The following SACS variants were observed in gnomAD, a reference collection of about 807,000 sequenced individuals.
SACS encodes the protein sacsin molecular chaperone.
Under a neutral mutation model 348.0 loss-of-function variants are expected in SACS, and 197 were observed. The ratio of observed to expected loss-of-function variants is 0.57; its 90% CI spans 0.50 to 0.64. SACS has a LOEUF of 0.64. SACS is among the 30% of genes least tolerant of loss of function. The pLI is 0.00. For missense variants in SACS, 4,999 were observed against 5,360.8 expected (o/e 0.93, Z 2.11); for synonymous variants, 1,985 against 1,910.6 (o/e 1.04, Z -1.02).
intron 7 of SACS, among the ~76,000 whole-genome samples, chr13:23,357,654 A>C (rs1416388454): frequency 1.3e-5 from 2 of 152,160 alleles, no homozygotes; most frequent in African/African-American, 4.8e-5. Context: ...CCATTACAAA[A>C]TTTTTTATCA....
In SACS at chr13:23,354,971, C is replaced by T. The variant is rs370143541; in HGVS notation, c.1641G>A (p.Pro547=). 1.9e-5 allele frequency: 31 copies of T among 1,614,084 alleles called. No individual in the cohort carries two copies. The highest frequency in any genetic ancestry group is 1.1e-4 in the East Asian group (5 of 44,898). Residue 547 remains proline, a synonymous_variant, in exon 8 of 10, where the codon CCG becomes CCA. Transcript: ENST00000382292. Reference sequence around the variant, plus strand: ...GCTCGCTGAATAGAGGCTCTAACACCGGTTGCCAGTGCACCTTGACTTTGC... The same window carrying T: ...GCTCGCTGAATAGAGGCTCTAACACTGGTTGCCAGTGCACCTTGACTTTGC... ...EASKVKVHWQ[P]VLEPLFSELL... is the part of the protein sequence containing the mutation.
chr13:23,339,839 T>G lies in SACS; in HGVS notation c.4037A>C (p.Asp1346Ala). The G allele has an allele frequency of 6.2e-7, 1 of 1,613,320 alleles. No homozygotes were observed. Among genetic ancestry groups the G allele is most frequent in the Non-Finnish European group, 8.5e-7 (1 of 1,179,628 alleles). The change falls in exon 10 of 10, where the codon GAT becomes GCT. Residue 1346 changes from aspartate (D) to alanine (A), a missense_variant. Coordinates refer to ENST00000382292, the MANE Select transcript of SACS (RefSeq NM_014363.6). ...TTGTTTGCTTTCTTGTTCACTGAGA[T>G]CTTGGTCACTTTTGAGATATATCTT... The part of the protein sequence containing the change: ...IQKIYLKSDQ[D>A]LSEQESKQNL...
In SACS at chr13:23,331,736, A is replaced by G; in HGVS notation, c.12140T>C (p.Val4047Ala). Reference protein sequence around the residue: ...LCKALREGLKVSCFEKLQTTL... With the variant: ...LCKALREGLKASCFEKLQTTL... Reference sequence around the variant, plus strand: ...TGTTTGAAGCTTTTCAAAGCAGGATACTTTCAATCCTTCTCTTAGGGCTTT... The same window carrying G: ...TGTTTGAAGCTTTTCAAAGCAGGATGCTTTCAATCCTTCTCTTAGGGCTTT... The change falls in exon 10 of 10, where the codon GTA becomes GCA. Residue 4047 changes from valine to alanine, a missense_variant. By Grantham distance (64) the Val-to-Ala change is moderately conservative. This residue lies in a region of SACS where 831 missense variants were observed against 941.8 expected (regional missense o/e 0.88). Coordinates refer to ENST00000382292, the MANE Select transcript of SACS (RefSeq NM_014363.6). 6.2e-7 allele frequency: 1 copy of G among 1,614,020 alleles called. No individual in the cohort carries two copies.
Position 23,340,098 on chromosome 13 carries a change from G to A in SACS, c.3778C>T (p.His1260Tyr), listed in dbSNP as rs144713081. 73 of 1,613,872 alleles carry A rather than the reference G, an allele frequency of 4.5e-5. No individual in the cohort carries two copies. Among genetic ancestry groups the A allele is most frequent in the Non-Finnish European group, 6.0e-5 (71 of 1,179,966 alleles). ...HILLEIYGFM[H>Y]DHLNEGKDSF... ...TCTTTCCCTTCATTTAGATGATCAT[G>A]CATGAATCCGTAAATCTCAAGCAAA... The change falls in exon 10 of 10, where the codon CAT becomes TAT. Residue 1260 changes from histidine (H) to tyrosine (Y), a missense_variant. By Grantham distance (83) the His-to-Tyr change is moderately conservative (BLOSUM62 2). Coordinates refer to ENST00000382292, the MANE Select transcript of SACS (RefSeq NM_014363.6).
intron 1 of SACS, among the ~76,000 whole-genome samples, chr13:23,424,323 C>A (rs1431097752): frequency 6.6e-6 from 1 of 151,972 alleles, no homozygotes; most frequent in African/African-American, 2.4e-5. Context: ...GTCGGGAGTT[C>A]GAGAGCAGCC....
chr13:23,337,620 C>T lies in SACS; in HGVS notation c.6256G>A (p.Asp2086Asn), dbSNP rs773786550. ...ACACGAAGAACTCCCGAGAACTCAT[C>T]AACTTTTTCATTTAGAACAAAGATC... ...LMIFVLNEKVDEFSGVLRVTP... is the reference protein window; with the variant it reads ...LMIFVLNEKVNEFSGVLRVTP... The change falls in exon 10 of 10, where the codon GAT becomes AAT. Residue 2086 changes from aspartate (D) to asparagine (N), a missense_variant. This residue lies in a region of SACS where 3,156 missense variants were observed against 3,380.1 expected (regional missense o/e 0.93). Transcript: ENST00000382292. The T allele has an allele frequency of 3.7e-6, 6 of 1,613,614 alleles. No homozygotes were observed. The African/African-American group carries it at 5.3e-5, about 14-fold the overall frequency.
Position 23,354,654 on chromosome 13 carries a change from A to G in SACS, c.1958T>C (p.Phe653Ser). The G allele has an allele frequency of 6.2e-7, 1 of 1,614,180 alleles. No individual in the cohort carries two copies. Among genetic ancestry groups the G allele is most frequent in the African/African-American group, 1.3e-5 (1 of 75,050 alleles). The change falls in exon 8 of 10, where the codon TTT becomes TCT. Residue 653 changes from phenylalanine to serine, a missense_variant. Transcript: ENST00000382292. ...CAEEKLHLLE[F>S]VLSDQAYSEL... Reference sequence around the variant, plus strand: ...ACTGTAGGCTTGGTCAGAAAGCACAAATTCTAGAAGGTGAAGCTTTTCTTC... The same window carrying G: ...ACTGTAGGCTTGGTCAGAAAGCACAGATTCTAGAAGGTGAAGCTTTTCTTC...
chr13:23,389,509 T>C (rs1187302995), intron 2 of SACS, among the ~76,000 whole-genome samples: 1 of 152,218 alleles, frequency 6.6e-6, no homozygotes, highest in African/African-American at 2.4e-5. Context: ...CGTCTTTACA[T>C]CCACGTTACT....
chr13:23,393,156 G>A (rs746338401), intron 2 of SACS, among the ~76,000 whole-genome samples: 3 of 152,156 alleles, frequency 2.0e-5, no homozygotes, highest in Non-Finnish European at 4.4e-5. Context: ...GAACAAACTT[G>A]TTCCTAAGCC....
chr13:23,391,002 C>A (rs1372098908), intron 2 of SACS, among the ~76,000 whole-genome samples: 2 of 152,228 alleles, frequency 1.3e-5, no homozygotes, highest in Admixed American at 6.5e-5. Flanking sequence ...CACACGCCTG[C>A]ACCCCTCAGT....
chr13:23,371,263 G>A lies in SACS; in HGVS notation c.172-98C>T, dbSNP rs965801672. 1.1e-5 allele frequency: 6 copies of A among 562,356 alleles called. No individual in the cohort carries two copies. In the South Asian group the frequency reaches 2.3e-4, roughly 22 times the overall value. 34.8% of individuals were successfully genotyped at this position (562,356 alleles called of 1,614,324 possible). A position where few individuals can be genotyped will look rare whatever the true frequency, so the allele number is the denominator to read the frequency against. The stretch of plus-strand genomic sequence containing the variant: ...AAATTTTTTCACTTAAGTAATGCTT[G>A]TTAAGTCTTCTTATCATGAAGGAAG... On this transcript the variant is annotated intron_variant, in intron 3 of 9. Transcript: ENST00000382292.
intron 2 of SACS, among the ~76,000 whole-genome samples, chr13:23,376,140 A>C (rs1445442996): frequency 6.6e-6 from 1 of 152,204 alleles, no homozygotes; most frequent in Non-Finnish European, 1.5e-5. Flanking sequence ...ACATAAATGT[A>C]TCCTATGACA....
At chr13:23,417,548 G>GT (rs998825092) in intron 1 of SACS, among the ~76,000 whole-genome samples, 6 of 152,116 alleles carry the variant, frequency 3.9e-5, no homozygotes, top group African/African-American at 1.4e-4. Flanking sequence ...TTCCAAAAAT[G>GT]TTACTGGGGC....
rs768380925 is a variant in SACS, at chr13:23,337,700, T to A, written c.6176A>T (p.Glu2059Val). The stretch of plus-strand genomic sequence containing the variant: ...TTCTTGAATATTTGGAAAAAACACT[T>A]CAGAAAAAAACTGTTTCTCTGAAAA... ...NTFSEKQFFS[E>V]VFFPNIQEIE... The change falls in exon 10 of 10, where the codon GAA (glutamate) becomes GTA (valine). Residue 2059 changes from glutamate to valine, a missense_variant. By Grantham distance (121) the Glu-to-Val change is moderately radical (BLOSUM62 -2). Coordinates refer to ENST00000382292, the MANE Select transcript of SACS (RefSeq NM_014363.6). 3.5e-5 allele frequency: 56 copies of A among 1,612,742 alleles called. No homozygotes were observed. Among genetic ancestry groups the A allele is most frequent in the Non-Finnish European group, 4.3e-5 (51 of 1,179,696 alleles).
In SACS at chr13:23,331,500, A is replaced by G; in HGVS notation, c.12376T>C (p.Cys4126Arg). 1 of 1,613,994 alleles carries G rather than the reference A, an allele frequency of 6.2e-7. No individual in the cohort carries two copies. Among genetic ancestry groups the G allele is most frequent in the Admixed American group, 1.7e-5 (1 of 60,020 alleles). The change falls in exon 10 of 10, where the codon TGC (cysteine) becomes CGC (arginine). Residue 4126 changes from cysteine to arginine, a missense_variant. Transcript: ENST00000382292. ...TCACCAATCCTGTAAATATCATTGC[A>G]TCCTAGCATAGCAATTAAATATGAA... is the stretch of plus-strand genomic sequence containing the variant. ...DTSYLIAMLG[C>R]NDIYRIGEKL...
At chr13:23,416,595 T>G (rs962980635) in intron 1 of SACS, among the ~76,000 whole-genome samples, 5 of 151,346 alleles carry the variant, frequency 3.3e-5, no homozygotes, top group African/African-American at 1.2e-4. Context: ...CCGTCTCTAC[T>G]AAAAATACAA....
chr13:23,337,892 T>A lies in SACS; in HGVS notation c.5984A>T (p.Asp1995Val), dbSNP rs752433736. The stretch of plus-strand genomic sequence containing the variant: ...ATCTCTTCTTTTAAGTATAGAGTCA[T>A]CTAGAAATCTTACGTTCTTCATGGA... ...WVSMKNVRFL[D>V]DSILKRRDVG... Residue 1995 changes from aspartate to valine, a missense_variant, in exon 10 of 10, where the codon GAT becomes GTT. Around this residue, in one of 6 missense-constraint regions of SACS, gnomAD observed 3,156 missense variants for 3,380.1 expected, o/e 0.93. Coordinates refer to ENST00000382292, the MANE Select transcript of SACS (RefSeq NM_014363.6). 3 of 1,613,766 alleles carry A rather than the reference T, an allele frequency of 1.9e-6. No homozygotes were observed. In the African/African-American group the frequency reaches 4.0e-5, roughly 22 times the overall value.
chr13:23,392,869 A>G (rs1250092086), intron 2 of SACS, among the ~76,000 whole-genome samples: 1 of 152,190 alleles, frequency 6.6e-6, no homozygotes, highest in East Asian at 1.9e-4. Context: ...CATGTGAAGG[A>G]CGGGTTTTGA....
At chr13:23,428,346 A>C (rs1016618562) in intron 1 of SACS, 1 of 152,208 alleles carries the variant, frequency 6.6e-6, no homozygotes, top group African/African-American at 2.4e-5. Context: ...TCCTAACTTC[A>C]GGAGAAAATA....
Sources: allele counts gnomAD v4.1 joint callset (sites outside exome capture counted in the v4.1 genomes callset), GRCh38; gene constraint gnomAD v4.1.1; regional missense constraint gnomAD v4.1.1; transcripts MANE v1.5; gene names NCBI Gene and HGNC (gene_info 2026-07-23, HGNC 2026-07-21).